WEE1: variants seen among roughly 807,000 people sequenced by gnomAD.
WEE1 encodes WEE1 G2 checkpoint kinase.
A neutral mutation model predicts 68.8 loss-of-function variants in WEE1; 16 were observed. The observed-to-expected ratio is 0.23, with a 90% confidence interval of 0.16 to 0.35. WEE1 has a LOEUF of 0.35. WEE1 is among the 10% of genes least tolerant of loss of function. WEE1 has a pLI of 1.00. For missense variants in WEE1, 651 were observed against 824.1 expected (o/e 0.79, Z 2.57); for synonymous variants, 349 against 318.7 (o/e 1.09, Z -1.01).
rs1319684274 is a variant in WEE1 at position 9,581,759 on chromosome 11, T to G, written c.1288+81T>G. 3 of 1,362,680 alleles carry G rather than the reference T, an allele frequency of 2.2e-6. No homozygotes were observed. The South Asian group carries it at 4.2e-5, about 19-fold the overall frequency. The allele number at this position is 1,362,680 out of a possible 1,614,324, so 84.4% of individuals were successfully genotyped here. A position where few individuals can be genotyped will look rare whatever the true frequency, so the allele number is the denominator to read the frequency against. On this transcript the variant is annotated intron_variant, in intron 6 of 10. Coordinates refer to ENST00000450114, the MANE Select transcript of WEE1 (RefSeq NM_003390.4). ...CTTCATTATGACAACATTGAAAAAATATATATCTTCTGTTTTCTCATTGTT... is the reference window on the plus strand; with the variant it reads ...CTTCATTATGACAACATTGAAAAAAGATATATCTTCTGTTTTCTCATTGTT...
intron 5 of WEE1, 87 bp downstream of exon 5, chr11:9,577,350 T>C: frequency 6.7e-7 from 1 of 1,483,152 alleles, no homozygotes; most frequent in East Asian, 2.3e-5. Flanking sequence ...GCTCTATTTC[T>C]GTCACTTTTA....
intron 6 of WEE1, among the ~76,000 whole-genome samples, chr11:9,584,726 A>G (rs1433813987): frequency 6.6e-6 from 1 of 152,196 alleles, no homozygotes; most frequent in Non-Finnish European, 1.5e-5. Flanking sequence ...GTAATGTGCT[A>G]GAAGACAAGG....
At position 9,588,753 on chromosome 11, in the gene WEE1, A is replaced by G; in HGVS notation, c.*151A>G. On this transcript the variant is annotated 3_prime_UTR_variant, in exon 11 of 11. Coordinates refer to ENST00000450114, the MANE Select transcript of WEE1 (RefSeq NM_003390.4). ...ATTGTGAATTACAGTTGAAAGCTGT[A>G]TTTTGATGATTGCTATGTCAGGCTT... The G allele has an allele frequency of 7.7e-7, 1 of 1,298,382 alleles. No individual in the cohort carries two copies. The highest frequency in any genetic ancestry group is 9.8e-7 in the Non-Finnish European group (1 of 1,020,022). 80.4% of individuals were successfully genotyped at this position (1,298,382 alleles called of 1,614,324 possible).
At position 9,574,603 on chromosome 11, in the gene WEE1, C is replaced by T. The variant is rs984863947; in HGVS notation, c.576+94C>T. The T allele has an allele frequency of 7.2e-5, 81 of 1,124,046 alleles. No homozygotes were observed. Among genetic ancestry groups the T allele is most frequent in the Non-Finnish European group, 8.5e-5 (78 of 919,758 alleles). 69.6% of individuals were successfully genotyped at this position (1,124,046 alleles called of 1,614,324 possible). Reference sequence around the variant, plus strand: ...GGGTTCGGTTACAGAAGCGGCCGGCCGCTCCCCCCTCGCTTTCCTGCGCCG... The same window carrying T: ...GGGTTCGGTTACAGAAGCGGCCGGCTGCTCCCCCCTCGCTTTCCTGCGCCG... On this transcript the variant is annotated intron_variant, in intron 1 of 10. Coordinates refer to ENST00000450114, the MANE Select transcript of WEE1 (RefSeq NM_003390.4). This position sits in a 1 kb window ranked among gnomAD's most constrained non-coding sequence, Gnocchi z 4.9.
At chr11:9,578,481 T>C (rs1448458403) in intron 5 of WEE1, 2 of 152,338 alleles carry the variant, frequency 1.3e-5, no homozygotes, top group African/African-American at 4.8e-5. Context: ...AATGTTTCTA[T>C]TCATACCATC....
chr11:9,584,444 C>G (rs1849678606), intron 6 of WEE1, among the ~76,000 whole-genome samples: 1 of 152,138 alleles, frequency 6.6e-6, no homozygotes, highest in Admixed American at 6.6e-5. Flanking sequence ...CCATACCTGG[C>G]CAATACTATA....
intron 10 of WEE1, among the ~76,000 whole-genome samples, chr11:9,587,483 AGT>A (rs1849714750): frequency 6.6e-6 from 1 of 152,226 alleles, no homozygotes; most frequent in South Asian, 2.1e-4. Context: ...TCTCACCAAA[AGT>A]TAACGTTGTC....
rs1849539566 is a variant in WEE1, at chr11:9,574,343, C to T, written c.410C>T (p.Ser137Phe). 7.9e-7 allele frequency: 1 copy of T among 1,263,658 alleles called. No homozygotes were observed. The highest frequency in any genetic ancestry group is 1.0e-6 in the Non-Finnish European group (1 of 1,004,264). The allele number at this position is 1,263,658 out of a possible 1,614,324, so 78.3% of individuals were successfully genotyped here. Residue 137 changes from serine to phenylalanine, a missense_variant, in exon 1 of 11, where the codon TCT becomes TTT. Around this residue, in one of 5 missense-constraint regions of WEE1, gnomAD observed 395 missense variants for 378.4 expected, o/e 1.04. Coordinates refer to ENST00000450114, the MANE Select transcript of WEE1 (RefSeq NM_003390.4). The surrounding 1 kb of genome is among the most constrained non-coding windows in gnomAD (Gnocchi z 4.9). ...GCGGCCCCCTACTTCCTGGGTAGCT[C>T]TTTCTCGCCGGTGCGCTGCGGCGGC... ...SPAAPYFLGS[S>F]FSPVRCGGPG...
chr11:9,586,544 A>G lies in WEE1; in HGVS notation c.1566A>G (p.Gln522=), dbSNP rs780941486. 101 of 1,614,074 alleles carry G rather than the reference A, an allele frequency of 6.3e-5. No individual in the cohort carries two copies. The South Asian group carries it at 9.3e-4, about 15-fold the overall frequency. The change falls in exon 9 of 11, where the codon CAA becomes CAG. Residue 522 remains glutamine (Q), a synonymous_variant. Transcript: ENST00000450114. ...GAEPLPRNGD[Q]WHEIRQGRLP... ...AACCTCTTCCGAGAAATGGAGATCA[A>G]TGGCATGAAATCAGACAGGGTAGAT...
At position 9,579,892 on chromosome 11, in the gene WEE1, A is replaced by G. The variant is rs1050738128; in HGVS notation, c.1142-1640A>G. On this transcript the variant is annotated intron_variant, in intron 5 of 10. Coordinates refer to ENST00000450114, the MANE Select transcript of WEE1 (RefSeq NM_003390.4). ...ATTATAGGACCTCCTTTTCTGACTA[A>G]TACATCATTGACCTTCCTAATTTTA... 42 of 152,212 alleles carry G rather than the reference A, an allele frequency of 2.8e-4. 1 individual carries two copies. Among genetic ancestry groups the G allele is most frequent in the Non-Finnish European group, 1.5e-5 (1 of 68,024 alleles). 9.4% of individuals were successfully genotyped at this position (152,212 alleles called of 1,614,324 possible).
chr11:9,581,942 C>A (rs1849632714), intron 6 of WEE1, among the ~76,000 whole-genome samples: 1 of 152,230 alleles, frequency 6.6e-6, no homozygotes, highest in Non-Finnish European at 1.5e-5. Flanking sequence ...CCGCTCACTG[C>A]AACTTCCCCA....
At position 9,586,323 on chromosome 11, in the gene WEE1, A is replaced by G. The variant is rs1195496723; in HGVS notation, c.1471-126A>G. 7 of 812,770 alleles carry G rather than the reference A, an allele frequency of 8.6e-6. No homozygotes were observed. In the Admixed American group the frequency reaches 2.1e-4, roughly 24 times the overall value. 50.3% of individuals were successfully genotyped at this position (812,770 alleles called of 1,614,324 possible). On this transcript the variant is annotated intron_variant, in intron 8 of 10. Coordinates refer to ENST00000450114, the MANE Select transcript of WEE1 (RefSeq NM_003390.4). ...GCAGTTTATTCTCTGAATAGGTCCC[A>G]AACTTAAATGTGGTATTAGACACTT...
chr11:9,574,853 G>T lies in WEE1; in HGVS notation c.576+344G>T. 1 of 989,586 alleles carries T rather than the reference G, an allele frequency of 1.0e-6. No individual in the cohort carries two copies. The highest frequency in any genetic ancestry group is 1.2e-6 in the Non-Finnish European group (1 of 832,706). 61.3% of individuals were successfully genotyped at this position (989,586 alleles called of 1,614,324 possible). ...GTTCGCGAGGATGCTGGAGGGTGCCGGCCCGGCCACCTGACACTCCCGAGC... is the reference window on the plus strand; with the variant it reads ...GTTCGCGAGGATGCTGGAGGGTGCCTGCCCGGCCACCTGACACTCCCGAGC... On this transcript the variant is annotated intron_variant, in intron 1 of 10. Transcript: ENST00000450114. The surrounding 1 kb of genome is among the most constrained non-coding windows in gnomAD (Gnocchi z 4.9).
chr11:9,580,608 C>T (rs1849616736), intron 5 of WEE1: 1 of 151,934 alleles, frequency 6.6e-6, no homozygotes, highest in African/African-American at 2.4e-5. Flanking sequence ...CAGGTGCACG[C>T]CACCACACCC....
In WEE1 at chr11:9,574,401, G is replaced by A; in HGVS notation, c.468G>A (p.Ala156=). ...ATGCGTCGCCGCGGGGTTGCGGGGC[G>A]CGCCGGGCGGGCGAAGGCCGCCGCT... ...PGDASPRGCG[A]RRAGEGRRSP... is the part of the protein sequence containing the mutation. Residue 156 remains alanine, a synonymous_variant, in exon 1 of 11, where the codon GCG becomes GCA. Coordinates refer to ENST00000450114, the MANE Select transcript of WEE1 (RefSeq NM_003390.4). This position sits in a 1 kb window ranked among gnomAD's most constrained non-coding sequence, Gnocchi z 4.9. 1.6e-6 allele frequency: 2 copies of A among 1,213,686 alleles called. No individual in the cohort carries two copies. Among genetic ancestry groups the A allele is most frequent in the South Asian group, 3.9e-5 (1 of 25,380 alleles). 75.2% of individuals were successfully genotyped at this position (1,213,686 alleles called of 1,614,324 possible).
At chr11:9,582,591 G>A (rs1434009239) in intron 6 of WEE1, among the ~76,000 whole-genome samples, 2 of 151,984 alleles carry the variant, frequency 1.3e-5, no homozygotes, top group Non-Finnish European at 2.9e-5. Context: ...TTTTGAGATG[G>A]AGTCTCGCTC....
Position 9,574,078 on chromosome 11 carries a change from A to G in WEE1, c.145A>G (p.Thr49Ala). The G allele has an allele frequency of 8.1e-7, 1 of 1,233,888 alleles. No homozygotes were observed. Among genetic ancestry groups the G allele is most frequent in the Non-Finnish European group, 1.0e-6 (1 of 987,858 alleles). 76.4% of individuals were successfully genotyped at this position (1,233,888 alleles called of 1,614,324 possible). Reference protein sequence around the residue: ...EEEEEGSGHSTGEDSAFQEPD... With the variant: ...EEEEEGSGHSAGEDSAFQEPD... ...GGAGGAGGAGGGCAGCGGCCACAGC[A>G]CCGGGGAGGACTCGGCCTTTCAAGA... Residue 49 changes from threonine (T) to alanine (A), a missense_variant, in exon 1 of 11, where the codon ACC (threonine) becomes GCC (alanine). By Grantham distance (58) the Thr-to-Ala change is moderately conservative. Transcript: ENST00000450114. The surrounding 1 kb of genome is among the most constrained non-coding windows in gnomAD (Gnocchi z 4.9).
intron 5 of WEE1, chr11:9,580,469 T>TC (rs1405588155): frequency 6.7e-6 from 1 of 149,494 alleles, no homozygotes; most frequent in African/African-American, 2.4e-5. Context: ...TTTCTTTTTT[T>TC]TTTTTTTTTT....
At chr11:9,583,755 GCGCGCGCACACA>G (rs1413204743) in intron 6 of WEE1, among the ~76,000 whole-genome samples, 34 of 8,732 alleles carry the variant, frequency 3.9e-3, no homozygotes, top group African/African-American at 0.012. Flanking sequence ...GTGCGTGCAC[GCGCGCGCACACA>G]CACACACACA....
Sources: allele counts gnomAD v4.1 joint callset (sites outside exome capture counted in the v4.1 genomes callset), GRCh38; gene constraint gnomAD v4.1.1; regional missense constraint gnomAD v4.1.1; non-coding constraint Gnocchi (gnomAD v3.1); transcripts MANE v1.5; gene names NCBI Gene and HGNC (gene_info 2026-07-23, HGNC 2026-07-21).